PM20D2: variants seen among roughly 807,000 people sequenced by gnomAD.
PM20D2 encodes peptidase M20 domain containing 2, also known as xaa-Arg dipeptidase.
In PM20D2, 33 loss-of-function variants were observed where a neutral mutation model predicts 42.9. The observed-to-expected ratio is 0.77, with a 90% confidence interval of 0.58 to 1.03. The LOEUF (loss-of-function observed/expected upper bound fraction) is 1.03, where lower values mean the gene tolerates loss of function less well. PM20D2 is among the 50% of genes least tolerant of loss of function. PM20D2 has a pLI of 0.00. For missense variants in PM20D2, 548 were observed against 557.0 expected (o/e 0.98, Z 0.16); for synonymous variants, 250 against 228.2 (o/e 1.10, Z -0.86).
Position 89,149,246 on chromosome 6 carries a change from C to A in PM20D2, c.466-19C>A, listed in dbSNP as rs777142950. ...TGAGGATTTTGTTGTTTTTCCCTGA[C>A]ATGAGTATTTCCTTCTAGGTAGTTG... On this transcript the variant is annotated intron_variant, in intron 1 of 6. Transcript: ENST00000275072. The A allele has an allele frequency of 9.3e-6, 15 of 1,609,906 alleles. No individual in the cohort carries two copies. The highest frequency in any genetic ancestry group is 1.6e-4 in the Middle Eastern group (1 of 6,074).
the PM20D2 span, chr6:89,096,068 A>G: frequency 6.6e-6 from 1 of 152,196 alleles, no homozygotes; most frequent in Non-Finnish European, 1.5e-5. Flanking sequence ...CCCAGAAGAC[A>G]ATTTTCCAGG....
At chr6:89,112,915 G>A in the PM20D2 span, among the ~76,000 whole-genome samples, 1 of 152,038 alleles carries the variant, frequency 6.6e-6, no homozygotes, top group East Asian at 1.9e-4. Flanking sequence ...TTAGATACAT[G>A]TAGGTAAATG....
chr6:89,143,012 C>T (rs180799429), upstream of PM20D2, among the ~76,000 whole-genome samples: 2 of 152,300 alleles, frequency 1.3e-5, no homozygotes, highest in Admixed American at 6.5e-5. Context: ...TGCACTGAAG[C>T]TCTCTGGTAC....
the PM20D2 span, among the ~76,000 whole-genome samples, chr6:89,116,970 G>T: frequency 5.5e-3 from 831 of 150,684 alleles, 14 homozygotes; most frequent in African/African-American, 0.02. Flanking sequence ...TGCATAGGTA[G>T]AAAGGCTGGG....
the PM20D2 span, among the ~76,000 whole-genome samples, chr6:89,109,137 C>A: frequency 6.6e-6 from 1 of 152,166 alleles, no homozygotes; most frequent in Non-Finnish European, 1.5e-5. Flanking sequence ...GATTCTCAAC[C>A]TCTCCTGAGT....
At chr6:89,155,481 G>A (rs1771013594) in intron 4 of PM20D2, among the ~76,000 whole-genome samples, 1 of 151,096 alleles carries the variant, frequency 6.6e-6, no homozygotes, top group East Asian at 2.0e-4. Flanking sequence ...CTGGAGACAG[G>A]GTCTCACCAT....
At chr6:89,151,850 C>T (rs1405642277) in intron 2 of PM20D2, among the ~76,000 whole-genome samples, 2 of 151,880 alleles carry the variant, frequency 1.3e-5, no homozygotes, top group African/African-American at 2.4e-5. Context: ...CACTTAGGGA[C>T]GTCAAGGCAG....
At chr6:89,104,054 C>G in the PM20D2 span, among the ~76,000 whole-genome samples, 26 of 115,998 alleles carry the variant, frequency 2.2e-4, no homozygotes, top group African/African-American at 7.2e-4. Flanking sequence ...CCAGGCTAGT[C>G]TCAAACTCCT....
Position 89,146,062 on chromosome 6 carries a change from C to T in PM20D2, c.-83C>T. 8.1e-7 allele frequency: 1 copy of T among 1,230,096 alleles called. No individual in the cohort carries two copies. The highest frequency in any genetic ancestry group is 2.0e-5 in the South Asian group (1 of 50,528). The allele number at this position is 1,230,096 out of a possible 1,614,324, so 76.2% of individuals were successfully genotyped here. A position where few individuals can be genotyped will look rare whatever the true frequency, so the allele number is the denominator to read the frequency against. ...GCGCGCTCCGCCGGGGTCCTGGAGG[C>T]CTCTGGGCGCGTGCGCGGGCGGTCG... On this transcript the variant is annotated 5_prime_UTR_variant, in exon 1 of 7. Coordinates refer to ENST00000275072, the MANE Select transcript of PM20D2 (RefSeq NM_001010853.3).
chr6:89,158,945 A>G (rs1771142754), intron 5 of PM20D2, among the ~76,000 whole-genome samples: 1 of 152,134 alleles, frequency 6.6e-6, no homozygotes, highest in African/African-American at 2.4e-5. Flanking sequence ...TTAGAGATGT[A>G]TCATCTGTTT....
the PM20D2 span, among the ~76,000 whole-genome samples, chr6:89,133,510 T>A: frequency 2.6e-5 from 4 of 151,084 alleles, no homozygotes; most frequent in African/African-American, 9.9e-5. Flanking sequence ...ATGCACACTG[T>A]ATTGGCTCTT....
chr6:89,152,997 T>C (rs1416663889), intron 2 of PM20D2, 46 bp from the exon 3 acceptor site: 1 of 1,484,992 alleles, frequency 6.7e-7, no homozygotes, highest in Admixed American at 2.0e-5. Flanking sequence ...TTTCTTACTT[T>C]AGCAATAATA....
the PM20D2 span, among the ~76,000 whole-genome samples, chr6:89,103,687 T>C: frequency 6.6e-6 from 1 of 151,924 alleles, no homozygotes; most frequent in South Asian, 2.1e-4. Flanking sequence ...CTTGAACTCC[T>C]GACCTCAAGT....
At chr6:89,152,211 A>C (rs932028315) in intron 2 of PM20D2, among the ~76,000 whole-genome samples, 2 of 152,194 alleles carry the variant, frequency 1.3e-5, no homozygotes, top group African/African-American at 4.8e-5. Flanking sequence ...TTGTCCTGCT[A>C]ATAGAATGTC....
the PM20D2 span, among the ~76,000 whole-genome samples, chr6:89,128,190 A>G: frequency 3.3e-5 from 5 of 152,182 alleles, no homozygotes; most frequent in African/African-American, 1.2e-4. Context: ...TAGGAGAGAT[A>G]TTGCTAAATT....
At chr6:89,151,262 GT>G (rs1389755847) in intron 2 of PM20D2, among the ~76,000 whole-genome samples, 11 of 135,392 alleles carry the variant, frequency 8.1e-5, no homozygotes, top group African/African-American at 3.2e-4. Context: ...AGAGAGTCTC[GT>G]TTTGTCACCC....
At chr6:89,115,367 C>T in the PM20D2 span, among the ~76,000 whole-genome samples, 2 of 152,058 alleles carry the variant, frequency 1.3e-5, no homozygotes, top group African/African-American at 4.8e-5. Context: ...CTGCCAACCT[C>T]CACCTCTGGG....
the PM20D2 span, among the ~76,000 whole-genome samples, chr6:89,129,828 A>G: frequency 6.6e-6 from 1 of 151,790 alleles, no homozygotes; most frequent in East Asian, 2.0e-4. Flanking sequence ...CTTTGCTTCA[A>G]CGGATCCTCC....
the PM20D2 span, among the ~76,000 whole-genome samples, chr6:89,110,957 AAAT>A: frequency 6.6e-6 from 1 of 152,054 alleles, no homozygotes; most frequent in South Asian, 2.1e-4. Flanking sequence ...TCTCTACAAA[AAAT>A]AAAAAAAAAT....
Sources: allele counts gnomAD v4.1 joint callset (sites outside exome capture counted in the v4.1 genomes callset), GRCh38; gene constraint gnomAD v4.1.1; transcripts MANE v1.5; gene names NCBI Gene and HGNC (gene_info 2026-07-23, HGNC 2026-07-21).